The following KAT6B variants were observed in gnomAD, a reference collection of about 807,000 sequenced individuals.
The protein encoded by KAT6B is histone acetyltransferase KAT6B.
A neutral mutation model predicts 187.5 loss-of-function variants in KAT6B; 10 were observed. The ratio of observed to expected loss-of-function variants is 0.05; its 90% confidence interval spans 0.03 to 0.09. The LOEUF (loss-of-function observed/expected upper bound fraction) is 0.09. KAT6B is among the 10% of genes least tolerant of loss of function. The pLI, the probability that KAT6B is intolerant of heterozygous loss-of-function variation, is 1.00. For synonymous variants in KAT6B, 861 were observed against 926.8 expected, an observed-to-expected ratio of 0.93 and a Z score of 1.29; for missense variants, 1,952 against 2,558.9, an observed-to-expected ratio of 0.76 and a Z score of 5.12.
In KAT6B at chr10:75,022,193, A is replaced by G. The variant is rs763583481; in HGVS notation, c.3334A>G (p.Arg1112Gly). Residue 1112 changes from arginine to glycine, a missense_variant, in exon 16 of 18, where the codon AGA (arginine) becomes GGA (glycine). Physicochemically the swap from Arg to Gly is moderately radical, Grantham distance 125. This residue lies in a region of KAT6B where 758 missense variants were observed against 891.4 expected (regional missense o/e 0.85). Transcript: ENST00000287239. ...AGAAAATATTCAAAGCTCTCCCCCA[A>G]GATTGACGAAACCACAGTCAGTTGC... is the stretch of plus-strand genomic sequence containing the variant. ...EEENIQSSPP[R>G]LTKPQSVAIK... The G allele has an allele frequency of 2.5e-6, 4 of 1,613,202 alleles. No individual in the cohort carries two copies. The Admixed American group carries it at 6.7e-5, about 27-fold the overall frequency.
chr10:74,838,233 G>A (rs764947243), intron 1 of KAT6B, among the ~76,000 whole-genome samples: 3 of 152,188 alleles, frequency 2.0e-5, no homozygotes, highest in Non-Finnish European at 4.4e-5. Context: ...TAGGTGCCTG[G>A]TGGCCTTTGG....
intron 3 of KAT6B, among the ~76,000 whole-genome samples, chr10:74,950,517 A>G (rs1840244890): frequency 6.6e-6 from 1 of 152,336 alleles, no homozygotes; most frequent in African/African-American, 2.4e-5. Context: ...TCCGAAGACC[A>G]TATCTGAAGC....
intron 17 of KAT6B, among the ~76,000 whole-genome samples, chr10:75,027,605 A>G (rs1845967688): frequency 6.6e-6 from 1 of 151,820 alleles, no homozygotes; most frequent in Non-Finnish European, 1.5e-5. Context: ...ATTAATATGT[A>G]TATAGCTATT....
intron 4 of KAT6B, 64 bp downstream of exon 4, chr10:74,960,142 GTCTC>G (rs1840997087): frequency 9.8e-6 from 10 of 1,023,062 alleles, no homozygotes; most frequent in East Asian, 4.7e-5. Context: ...CATGCTATTT[GTCTC>G]TCTATTAAAA....
chr10:74,826,402 G>C (rs887653922), upstream of KAT6B, among the ~76,000 whole-genome samples: 94 of 152,240 alleles, frequency 6.2e-4, no homozygotes, highest in Non-Finnish European at 1.2e-3. Context: ...GGGGATGATG[G>C]GTCGAGGGGT....
At chr10:74,950,767 A>G (rs537108321) in intron 3 of KAT6B, among the ~76,000 whole-genome samples, 1 of 152,312 alleles carries the variant, frequency 6.6e-6, no homozygotes, top group Non-Finnish European at 1.5e-5. Context: ...GTTTGTGGAC[A>G]ATAATTCATT....
intron 16 of KAT6B, among the ~76,000 whole-genome samples, chr10:75,023,132 G>A (rs544481100): frequency 6.6e-6 from 1 of 152,344 alleles, no homozygotes; most frequent in Middle Eastern, 3.4e-3. Flanking sequence ...CAATGGTACA[G>A]AAAGTAAAGA....
intron 3 of KAT6B, among the ~76,000 whole-genome samples, chr10:74,893,080 C>T (rs571003395): frequency 5.3e-5 from 8 of 152,350 alleles, no homozygotes; most frequent in African/African-American, 1.2e-4. Context: ...TGTGGGTGAA[C>T]CACAGAGGCA....
At chr10:74,871,908 C>T (rs1420659505) in intron 3 of KAT6B, among the ~76,000 whole-genome samples, 1 of 152,164 alleles carries the variant, frequency 6.6e-6, no homozygotes, top group Non-Finnish European at 1.5e-5. Flanking sequence ...TCAATTTCCT[C>T]ATATGTTTAA....
Position 74,970,008 on chromosome 10 carries a change from G to A in KAT6B, c.847-12G>A, listed in dbSNP as rs1286793961. 1.9e-6 allele frequency: 3 copies of A among 1,572,682 alleles called. No homozygotes were observed. The highest frequency in any genetic ancestry group is 2.2e-5 in the East Asian group (1 of 44,676). Reference sequence around the variant, plus strand: ...TTCAGTCTCAATTAGTCTCTAATATGTTATATTACAGGATAATATGCTTTT... The same window carrying A: ...TTCAGTCTCAATTAGTCTCTAATATATTATATTACAGGATAATATGCTTTT... On this transcript the variant is annotated splice_polypyrimidine_tract_variant and intron_variant, in intron 5 of 17. Transcript: ENST00000287239.
rs1564630324 is a variant in KAT6B at position 75,028,468 on chromosome 10, CG to C, written c.3665-20del. The stretch of plus-strand genomic sequence containing the variant: ...TTCTAAGACTGTTTTTTTTCCTTCC[CG>C]TTTTTGTCTCTTCACTAAGACAATA... On this transcript the variant is annotated intron_variant, in intron 17 of 17. Transcript: ENST00000287239. The C allele has an allele frequency of 1.2e-6, 2 of 1,613,216 alleles. No homozygotes were observed. The highest frequency in any genetic ancestry group is 1.7e-6 in the Non-Finnish European group (2 of 1,179,722).
intron 13 of KAT6B, among the ~76,000 whole-genome samples, chr10:75,007,923 AT>A: frequency 6.6e-6 from 1 of 152,318 alleles, no homozygotes; most frequent in Non-Finnish European, 1.5e-5. Flanking sequence ...GTGCACAAGT[AT>A]TTAGTGTACG....
At chr10:74,892,000 AG>A (rs1845673324) in intron 3 of KAT6B, among the ~76,000 whole-genome samples, 1 of 152,214 alleles carries the variant, frequency 6.6e-6, no homozygotes, top group Non-Finnish European at 1.5e-5. Flanking sequence ...TAGGAACTGC[AG>A]GGGTGGACAT....
chr10:74,830,027 A>AG (rs1840624950), intron 1 of KAT6B, among the ~76,000 whole-genome samples: 2 of 151,632 alleles, frequency 1.3e-5, no homozygotes, highest in Admixed American at 1.3e-4. Context: ...AAAAAAAAAA[A>AG]AACAAAAAAA....
At chr10:74,971,982 T>C (rs773478808) in intron 6 of KAT6B, among the ~76,000 whole-genome samples, 91 of 152,166 alleles carry the variant, frequency 6.0e-4, no homozygotes, top group Non-Finnish European at 1.1e-3. Flanking sequence ...TCCATTCTTA[T>C]CCATTGACCT....
intron 3 of KAT6B, among the ~76,000 whole-genome samples, chr10:74,865,479 A>G (rs1343613634): frequency 6.6e-6 from 1 of 150,906 alleles, no homozygotes; most frequent in Non-Finnish European, 1.5e-5. Flanking sequence ...CTCAATCACA[A>G]TTTTTACCAG....
chr10:74,994,804 A>T (rs1271607510), intron 13 of KAT6B, among the ~76,000 whole-genome samples: 2 of 133,672 alleles, frequency 1.5e-5, no homozygotes, highest in East Asian at 4.2e-4. Context: ...TTCATCTGTT[A>T]AAAAAAAAAA....
At chr10:74,894,117 C>T (rs1178908932) in intron 3 of KAT6B, among the ~76,000 whole-genome samples, 1 of 152,176 alleles carries the variant, frequency 6.6e-6, no homozygotes, top group African/African-American at 2.4e-5. Flanking sequence ...GAGTCTCCCT[C>T]TGTCGCCCAG....
In KAT6B at chr10:74,959,988, C is replaced by G. The variant is rs777753333; in HGVS notation, c.640C>G (p.Pro214Ala). 1 of 1,611,332 alleles carries G rather than the reference C, an allele frequency of 6.2e-7. No individual in the cohort carries two copies. Among genetic ancestry groups the G allele is most frequent in the South Asian group, 1.1e-5 (1 of 91,020 alleles). ...EKDQPRADPI[P>A]ICSFCLGTKE... is the part of the protein sequence containing the mutation. ...GTCATAGCCCCGTGCTGATCCCATT[C>G]CAATATGTAGCTTCTGTTTGGGGAC... Residue 214 changes from proline to alanine, a missense_variant, in exon 4 of 18, where the codon CCA becomes GCA. Pro to Ala is a conservative substitution (Grantham distance 27). This residue lies in a region of KAT6B where 218 missense variants were observed against 282.6 expected (regional missense o/e 0.77). Coordinates refer to ENST00000287239, the MANE Select transcript of KAT6B (RefSeq NM_012330.4).
Sources: gnomAD v4.1 joint callset for allele counts (sites outside exome capture counted in the v4.1 genomes callset) on GRCh38, gnomAD v4.1.1 for gene constraint, gnomAD v4.1.1 regional missense constraint, MANE v1.5 for transcripts, NCBI Gene and HGNC (gene_info 2026-07-23, HGNC 2026-07-21) for gene names.